LRMDA: variants seen among roughly 807,000 people sequenced by gnomAD.
LRMDA encodes leucine-rich melanocyte differentiation-associated protein.
A neutral mutation model predicts 29.8 loss-of-function variants in LRMDA; 18 were observed. The ratio of observed to expected loss-of-function variants is 0.60; its 90% CI spans 0.42 to 0.90. The LOEUF (loss-of-function observed/expected upper bound fraction) is 0.90. Ranked by LOEUF, LRMDA falls within the 40% of genes least tolerant of loss-of-function variation. The pLI is 0.00. For missense variants in LRMDA, 273 were observed against 273.9 expected (o/e 1.00, Z 0.02); for synonymous variants, 125 against 109.4 (o/e 1.14, Z -0.89).
At chr10:76,527,253 G>A (rs571039581) in intron 6 of LRMDA, among the ~76,000 whole-genome samples, 2 of 152,066 alleles carry the variant, frequency 1.3e-5, no homozygotes, top group African/African-American at 4.8e-5. Context: ...TTAACAGTTG[G>A]GTCTGCCTCT....
chr10:75,988,304 C>G (rs1323781544), intron 2 of LRMDA, among the ~76,000 whole-genome samples: 1 of 152,102 alleles, frequency 6.6e-6, no homozygotes, highest in Non-Finnish European at 1.5e-5. Flanking sequence ...CTTTCCTATC[C>G]ACCACCCTTC....
intron 2 of LRMDA, among the ~76,000 whole-genome samples, chr10:75,666,020 T>C (rs1298889435): frequency 6.6e-6 from 1 of 152,206 alleles, no homozygotes; most frequent in East Asian, 1.9e-4. Flanking sequence ...AATTAAAAGA[T>C]TCAGTAAAAT....
At chr10:75,795,416 TA>T (rs71024566) in intron 2 of LRMDA, among the ~76,000 whole-genome samples, 56,946 of 151,634 alleles carry the variant, frequency 0.38, 12,604 homozygotes, top group South Asian at 0.51. Context: ...TAAAATAAAA[TA>T]AAAGAAGAAA....
chr10:76,403,138 A>G (rs889189544), intron 6 of LRMDA: 8 of 151,510 alleles, frequency 5.3e-5, no homozygotes, highest in Non-Finnish European at 8.8e-5. Flanking sequence ...TCTCTCCTAT[A>G]GTCTCCTGCT....
chr10:76,134,477 C>A (rs982059982), intron 5 of LRMDA, among the ~76,000 whole-genome samples: 3 of 152,182 alleles, frequency 2.0e-5, no homozygotes, highest in African/African-American at 7.2e-5. Context: ...ATATGGCTGT[C>A]TTCTCTTTCC....
At chr10:75,807,359 G>A (rs1843872596) in intron 2 of LRMDA, among the ~76,000 whole-genome samples, 1 of 152,220 alleles carries the variant, frequency 6.6e-6, no homozygotes, top group African/African-American at 2.4e-5. Flanking sequence ...GGCAGCCTGA[G>A]GCCTGCCTGG....
In LRMDA at chr10:75,751,043, C is replaced by T. The variant is rs372504104; in HGVS notation, c.132-284965C>T. On this transcript the variant is annotated intron_variant, in intron 2 of 6. Transcript: ENST00000611255. ...TGGGCAACATTGAGCACTGAGTGAGCGAGACTCCGTCTGCAATCCCGGCAC... is the reference window on the plus strand; with the variant it reads ...TGGGCAACATTGAGCACTGAGTGAGTGAGACTCCGTCTGCAATCCCGGCAC... 1.1e-3 allele frequency among the ~76,000 whole-genome samples: 175 copies of T among 152,308 alleles called. 6 individuals are homozygous for T. The South Asian group carries it at 0.032, about 28-fold the overall frequency.
chr10:75,850,339 T>C (rs1290731654), intron 2 of LRMDA, among the ~76,000 whole-genome samples: 1 of 152,096 alleles, frequency 6.6e-6, no homozygotes, highest in Non-Finnish European at 1.5e-5. Flanking sequence ...AATGATGGAG[T>C]CTTTTATTTT....
At chr10:75,889,256 A>C (rs1203515199) in intron 2 of LRMDA, among the ~76,000 whole-genome samples, 1 of 152,220 alleles carries the variant, frequency 6.6e-6, no homozygotes, top group Non-Finnish European at 1.5e-5. Context: ...GCGAAGGATA[A>C]ATACAGTGAG....
At chr10:76,102,123 G>C (rs1282946828) in intron 5 of LRMDA, among the ~76,000 whole-genome samples, 1 of 152,068 alleles carries the variant, frequency 6.6e-6, no homozygotes, top group African/African-American at 2.4e-5. Flanking sequence ...TTTCATGACT[G>C]AATAATACTC....
intron 2 of LRMDA, among the ~76,000 whole-genome samples, chr10:76,011,002 C>G (rs1211765964): frequency 6.6e-6 from 1 of 152,238 alleles, no homozygotes; most frequent in East Asian, 1.9e-4. Flanking sequence ...TCTGTAACCA[C>G]AAGAGGATAA....
chr10:75,438,448 T>C lies in LRMDA; in HGVS notation c.85T>C (p.Cys29Arg). Reference sequence around the variant, plus strand: ...AATTCCAGAGCACCTTGGCAGGGACTGTGGACATTTCGCAAAGAGGCTTGA... The same window carrying C: ...AATTCCAGAGCACCTTGGCAGGGACCGTGGACATTTCGCAAAGAGGCTTGA... ...REIPEHLGRD[C>R]GHFAKRLDLS... Residue 29 changes from cysteine (C) to arginine (R), a missense_variant, in exon 2 of 7, where the codon TGT becomes CGT. Coordinates refer to ENST00000611255, the MANE Select transcript of LRMDA (RefSeq NM_001305581.2). 1 of 1,550,978 alleles carries C rather than the reference T, an allele frequency of 6.4e-7. No homozygotes were observed. Among genetic ancestry groups the C allele is most frequent in the Admixed American group, 2.0e-5 (1 of 51,010 alleles).
At chr10:75,553,361 A>G (rs1421768793) in intron 2 of LRMDA, among the ~76,000 whole-genome samples, 2 of 152,190 alleles carry the variant, frequency 1.3e-5, no homozygotes. Flanking sequence ...TCAAGTTTCC[A>G]TTTCATCCTC....
chr10:76,040,681 A>G (rs1030681924), intron 3 of LRMDA, among the ~76,000 whole-genome samples: 4 of 152,196 alleles, frequency 2.6e-5, no homozygotes, highest in Non-Finnish European at 4.4e-5. Context: ...TCATGTCTGA[A>G]TAATCAACCC....
rs545883104 is a variant in LRMDA at position 75,860,038 on chromosome 10, T to C, written c.132-175970T>C. ...TTTGAAATACTGTTTTTGTTACATA[T>C]AAAATTTCTAATTATACAGAAAACC... is the stretch of plus-strand genomic sequence containing the variant. On this transcript the variant is annotated intron_variant, in intron 2 of 6. Transcript: ENST00000611255. 2.6e-4 allele frequency among the ~76,000 whole-genome samples: 39 copies of C among 152,310 alleles called. No homozygotes were observed. The South Asian group carries it at 6.6e-3, about 26-fold the overall frequency.
At chr10:76,486,075 A>G (rs1842779788) in intron 6 of LRMDA, among the ~76,000 whole-genome samples, 1 of 151,900 alleles carries the variant, frequency 6.6e-6, no homozygotes, top group Non-Finnish European at 1.5e-5. Context: ...GTTTTTGGTT[A>G]CAGATATGGA....
intron 2 of LRMDA, among the ~76,000 whole-genome samples, chr10:75,644,973 GTTAC>G (rs1319027982): frequency 7.1e-6 from 1 of 141,282 alleles, no homozygotes; most frequent in Non-Finnish European, 1.5e-5. Context: ...CTTTCTCTGT[GTTAC>G]TTATTTTACT....
At chr10:76,238,329 C>T (rs190239477) in intron 5 of LRMDA, among the ~76,000 whole-genome samples, 257 of 152,244 alleles carry the variant, frequency 1.7e-3, no homozygotes, top group African/African-American at 5.5e-3. Flanking sequence ...TATTAGGAAA[C>T]TGAGGATAAA....
chr10:76,017,156 T>C (rs1479226347), intron 2 of LRMDA, among the ~76,000 whole-genome samples: 2 of 152,198 alleles, frequency 1.3e-5, no homozygotes, highest in Non-Finnish European at 2.9e-5. Context: ...TGTGAAGAGA[T>C]GCACACATGT....
Sources: gnomAD v4.1 joint callset for allele counts (sites outside exome capture counted in the v4.1 genomes callset) on GRCh38, gnomAD v4.1.1 for gene constraint, MANE v1.5 for transcripts, NCBI Gene and HGNC (gene_info 2026-07-23, HGNC 2026-07-21) for gene names.